Variants in NRXN3 observed in about 807,000 individuals in gnomAD.
NRXN3 encodes neurexin III.
Under a neutral mutation model 137.6 loss-of-function variants are expected in NRXN3, and 32 were observed. The ratio of observed to expected loss-of-function variants is 0.23; its 90% confidence interval spans 0.18 to 0.31. The LOEUF (loss-of-function observed/expected upper bound fraction) is 0.31, where lower values mean the gene tolerates loss of function less well. Among genes scored for constraint, NRXN3 ranks in the 10% least tolerant of loss-of-function variants. The pLI, the probability that NRXN3 is intolerant of heterozygous loss-of-function variation, is 1.00. For missense variants in NRXN3, 1,574 were observed against 2,062.5 expected (o/e 0.76, Z 4.59); for synonymous variants, 798 against 784.5 (o/e 1.02, Z -0.29).
At chr14:79,817,456 TG>T (rs1326605883) in intron 20 of NRXN3, among the ~76,000 whole-genome samples, 2 of 152,240 alleles carry the variant, frequency 1.3e-5, no homozygotes, top group African/African-American at 4.8e-5. Flanking sequence ...GCTACAACTT[TG>T]TTTCATCATT....
intron 4 of NRXN3, among the ~76,000 whole-genome samples, chr14:78,587,380 A>G (rs1295603066): frequency 6.6e-6 from 1 of 152,184 alleles, no homozygotes; most frequent in Non-Finnish European, 1.5e-5. Flanking sequence ...GTGCACCCCC[A>G]ACCCATGGAA....
intron 15 of NRXN3, among the ~76,000 whole-genome samples, chr14:79,461,851 A>G (rs749308541): frequency 7.2e-5 from 11 of 152,166 alleles, no homozygotes; most frequent in Admixed American, 7.2e-4. Context: ...AAAGAATAAG[A>G]AACCTGAAAT....
intron 20 of NRXN3, among the ~76,000 whole-genome samples, chr14:79,851,664 G>A (rs144525261): frequency 0.018 from 2,691 of 152,112 alleles, 27 homozygotes; most frequent in Non-Finnish European, 0.027. Flanking sequence ...CGCCTACCTG[G>A]GTTTCCCAGT....
intron 15 of NRXN3, among the ~76,000 whole-genome samples, chr14:79,046,560 T>C (rs1467369994): frequency 2.0e-5 from 3 of 152,292 alleles, no homozygotes; most frequent in East Asian, 1.9e-4. Context: ...CTTCTTCCAG[T>C]GATATGTCAT....
At chr14:79,228,950 C>G (rs2071600771) in intron 15 of NRXN3, among the ~76,000 whole-genome samples, 1 of 152,112 alleles carries the variant, frequency 6.6e-6, no homozygotes, top group Non-Finnish European at 1.5e-5. Flanking sequence ...GATGGAGTCT[C>G]AGCCCCAGAG....
chr14:79,447,914 C>G (rs768635221), intron 15 of NRXN3, among the ~76,000 whole-genome samples: 1 of 152,196 alleles, frequency 6.6e-6, no homozygotes, highest in Admixed American at 6.5e-5. Context: ...AGGCCTCTCT[C>G]CATGCTGGTT....
At chr14:79,442,695 G>GA (rs1204829826) in intron 15 of NRXN3, among the ~76,000 whole-genome samples, 3 of 152,118 alleles carry the variant, frequency 2.0e-5, no homozygotes, top group East Asian at 1.9e-4. Flanking sequence ...TTCAGCTAAA[G>GA]AAAAAAACAC....
chr14:79,537,287 TG>T (rs1269534733), intron 16 of NRXN3, among the ~76,000 whole-genome samples: 2 of 151,544 alleles, frequency 1.3e-5, no homozygotes, highest in African/African-American at 4.8e-5. Flanking sequence ...TCGTGTCCTT[TG>T]CCCACTTTTT....
At chr14:79,130,079 C>T (rs865798329) in intron 15 of NRXN3, among the ~76,000 whole-genome samples, 2,855 of 151,726 alleles carry the variant, frequency 0.019, 46 homozygotes, top group South Asian at 0.03. Context: ...TGTCTCTGCA[C>T]GTGAGATGGG....
intron 16 of NRXN3, among the ~76,000 whole-genome samples, chr14:79,469,225 C>G (rs756930555): frequency 2.0e-5 from 3 of 152,114 alleles, no homozygotes. Flanking sequence ...ATTGTTTTAT[C>G]CATTCCTGCT....
At chr14:79,848,439 G>C (rs1055433888) in intron 20 of NRXN3, among the ~76,000 whole-genome samples, 1 of 151,950 alleles carries the variant, frequency 6.6e-6, no homozygotes. Context: ...TTAAAACATT[G>C]AGTTTTTGCA....
intron 8 of NRXN3, among the ~76,000 whole-genome samples, chr14:78,746,360 C>T (rs758301888): frequency 1.3e-5 from 2 of 152,146 alleles, no homozygotes; most frequent in Non-Finnish European, 2.9e-5. Context: ...ACACAGAGAC[C>T]TTTATGCTTT....
chr14:78,928,925 A>C (rs547011606), intron 10 of NRXN3, among the ~76,000 whole-genome samples: 1 of 152,270 alleles, frequency 6.6e-6, no homozygotes, highest in African/African-American at 2.4e-5. Flanking sequence ...ACAGTGTAAA[A>C]GCATTCCTAT....
chr14:78,292,968 C>G (rs2075957817), intron 3 of NRXN3, among the ~76,000 whole-genome samples: 1 of 152,102 alleles, frequency 6.6e-6, no homozygotes, highest in Non-Finnish European at 1.5e-5. Context: ...TCATTTTTAC[C>G]CCTTCCTCAT....
intron 1 of NRXN3, among the ~76,000 whole-genome samples, chr14:78,240,008 G>A (rs2066877896): frequency 6.6e-6 from 1 of 152,186 alleles, no homozygotes; most frequent in Admixed American, 6.5e-5. Flanking sequence ...ATAGCCTCAA[G>A]TCTTTACTTA....
chr14:79,456,224 T>C (rs954093590), intron 15 of NRXN3, among the ~76,000 whole-genome samples: 3 of 152,220 alleles, frequency 2.0e-5, no homozygotes, highest in Non-Finnish European at 4.4e-5. Flanking sequence ...TTACTGAATA[T>C]GCTTCTTTGG....
chr14:79,116,996 G>A (rs1248149441), intron 15 of NRXN3, among the ~76,000 whole-genome samples: 1 of 152,018 alleles, frequency 6.6e-6, no homozygotes, highest in African/African-American at 2.4e-5. Flanking sequence ...AACTGGTTTT[G>A]GTAATAATTG....
intron 4 of NRXN3, among the ~76,000 whole-genome samples, chr14:78,546,269 G>C (rs1020835850): frequency 7.2e-5 from 11 of 152,166 alleles, no homozygotes; most frequent in Non-Finnish European, 1.5e-5. Flanking sequence ...GAAGTGTAAA[G>C]TGATATTTCA....
intron 19 of NRXN3, among the ~76,000 whole-genome samples, chr14:79,804,666 G>A (rs540639651): frequency 4.6e-5 from 7 of 152,046 alleles, no homozygotes; most frequent in Admixed American, 1.3e-4. Context: ...CAACTACCAC[G>A]GCATACACTT....
Sources: allele counts gnomAD v4.1 joint callset (sites outside exome capture counted in the v4.1 genomes callset), GRCh38; gene constraint gnomAD v4.1.1; transcripts MANE v1.5; gene names NCBI Gene and HGNC (gene_info 2026-07-23, HGNC 2026-07-21).